ZNF735: variants seen among roughly 807,000 people sequenced by gnomAD.
The protein encoded by ZNF735 is putative zinc finger protein 735.
ZNF735 carries 11 observed loss-of-function variants against 13.4 expected under a neutral mutation model. That is an observed-to-expected ratio of 0.82 (90% CI 0.52 to 1.36). The LOEUF (loss-of-function observed/expected upper bound fraction) is 1.36. ZNF735 is among the 40% of genes most tolerant of loss of function. The pLI, the probability that ZNF735 is intolerant of heterozygous loss-of-function variation, is 0.00. For synonymous variants in ZNF735, 171 were observed against 162.6 expected, an observed-to-expected ratio of 1.05 and a Z score of -0.39; for missense variants, 500 against 484.6, an observed-to-expected ratio of 1.03 and a Z score of -0.30.
intron 3 of ZNF735, among the ~76,000 whole-genome samples, chr7:64,216,288 T>C (rs1472421033): frequency 7.0e-6 from 1 of 141,908 alleles, no homozygotes; most frequent in Non-Finnish European, 1.6e-5. Context: ...AGAGTGAGAC[T>C]CCATCTCAAA....
intron 1 of ZNF735, among the ~76,000 whole-genome samples, chr7:64,211,213 A>G (rs1278912866): frequency 1.3e-5 from 2 of 152,198 alleles, no homozygotes; most frequent in African/African-American, 2.4e-5. Flanking sequence ...AATTCTCACT[A>G]CAAATTTATA....
At chr7:64,207,360 C>G (rs762707033) in intron 1 of ZNF735, 119 bp downstream of exon 1, 8 of 1,588,258 alleles carry the variant, frequency 5.0e-6, no homozygotes, top group Admixed American at 1.7e-5. Context: ...GGACCCAAAT[C>G]CTCCTTGGCC....
At chr7:64,208,646 G>A (rs1787322735) in intron 1 of ZNF735, among the ~76,000 whole-genome samples, 1 of 151,958 alleles carries the variant, frequency 6.6e-6, no homozygotes, top group Admixed American at 6.6e-5. Flanking sequence ...AAGTTTTTGT[G>A]TACAGATTAT....
intron 3 of ZNF735, among the ~76,000 whole-genome samples, chr7:64,215,616 T>C (rs1787410256): frequency 6.6e-6 from 1 of 152,152 alleles, no homozygotes; most frequent in Non-Finnish European, 1.5e-5. Context: ...AAGACCAATG[T>C]CATGTCTTTC....
At chr7:64,216,579 A>T (rs1376946292) in intron 3 of ZNF735, among the ~76,000 whole-genome samples, 1 of 151,740 alleles carries the variant, frequency 6.6e-6, no homozygotes, top group Admixed American at 6.6e-5. Context: ...ATTAGAAAAC[A>T]TACACTGCAT....
intron 3 of ZNF735, among the ~76,000 whole-genome samples, chr7:64,217,206 C>A (rs1316204630): frequency 6.6e-6 from 1 of 152,166 alleles, no homozygotes; most frequent in Non-Finnish European, 1.5e-5. Context: ...CTTAAAGGAA[C>A]CTGGCTCCTC....
chr7:64,210,106 T>C (rs1369971537), intron 1 of ZNF735, among the ~76,000 whole-genome samples: 1 of 152,088 alleles, frequency 6.6e-6, no homozygotes, highest in African/African-American at 2.4e-5. Context: ...GCTCCCAGGG[T>C]GCTATGAAAA....
At chr7:64,220,028 C>T (rs777788379) in exon 4 of ZNF735, 1 of 1,610,046 alleles carries the variant, frequency 6.2e-7, no homozygotes, top group Admixed American at 1.7e-5. Context: ...AAACCCTACA[C>T]ATGTGAAGAA....
intron 3 of ZNF735, among the ~76,000 whole-genome samples, chr7:64,218,410 T>A (rs1207588119): frequency 6.6e-6 from 1 of 152,126 alleles, no homozygotes; most frequent in African/African-American, 2.4e-5. Context: ...TTTGTGTATA[T>A]CCTAGTTTGT....
intron 1 of ZNF735, among the ~76,000 whole-genome samples, chr7:64,209,050 G>C (rs923356136): frequency 1.3e-5 from 2 of 152,134 alleles, no homozygotes; most frequent in Admixed American, 1.3e-4. Flanking sequence ...GTGTCTTCAT[G>C]GTAGAATAAC....
At chr7:64,211,890 A>AT (rs1554365902) in intron 1 of ZNF735, among the ~76,000 whole-genome samples, 1 of 96,514 alleles carries the variant, frequency 1.0e-5, no homozygotes, top group Non-Finnish European at 2.2e-5. Context: ...AAAGAAAAAA[A>AT]ATATATATAT....
chr7:64,219,379 G>T (rs776384482), exon 4 of ZNF735: 1 of 1,613,712 alleles, frequency 6.2e-7, no homozygotes, highest in Non-Finnish European at 8.5e-7. Context: ...ACTCCAAAAA[G>T]TAATACCAAG....
intron 3 of ZNF735, among the ~76,000 whole-genome samples, chr7:64,216,869 G>T (rs578154458): frequency 3.3e-5 from 5 of 152,234 alleles, no homozygotes; most frequent in Middle Eastern, 3.4e-3. Context: ...GCCTCCCAAA[G>T]TACTGGGGTT....
intron 1 of ZNF735, among the ~76,000 whole-genome samples, chr7:64,211,196 A>C (rs1018800423): frequency 6.6e-6 from 1 of 152,206 alleles, no homozygotes; most frequent in African/African-American, 2.4e-5. Flanking sequence ...TCTTATATGC[A>C]ATGCAGAATT....
intron 3 of ZNF735, among the ~76,000 whole-genome samples, chr7:64,216,886 G>A (rs1787428186): frequency 6.6e-6 from 1 of 152,164 alleles, no homozygotes; most frequent in South Asian, 2.1e-4. Flanking sequence ...GGTTACACCT[G>A]TGAGCCACTG....
chr7:64,210,546 G>A (rs1787344581), intron 1 of ZNF735, among the ~76,000 whole-genome samples: 1 of 152,160 alleles, frequency 6.6e-6, no homozygotes, highest in South Asian at 2.1e-4. Flanking sequence ...ATAAACTTGA[G>A]GGGTTCAAGA....
chr7:64,214,193 G>T, intron 3 of ZNF735, 85 bp downstream of exon 3: 1 of 1,375,566 alleles, frequency 7.3e-7, no homozygotes, highest in South Asian at 1.3e-5. Context: ...GTGGTCTGCA[G>T]AGCTGTGCTT....
At chr7:64,207,210 A>G in exon 1 of ZNF735, 1 of 1,614,188 alleles carries the variant, frequency 6.2e-7, no homozygotes, top group Non-Finnish European at 8.5e-7. Context: ...TTTATGGCTA[A>G]AAGACCGGGA....
rs552238775 is a variant in ZNF735 at position 64,216,757 on chromosome 7, C to T, written c.263-2557C>T. Among the ~76,000 whole-genome samples, 141 of 152,146 alleles carry T rather than the reference C, an allele frequency of 9.3e-4. 2 individuals carry two copies. The highest frequency in any genetic ancestry group is 3.3e-3 in the African/African-American group (135 of 41,492). ...AGTGGCTTGCACTACAGACCTACCC[C>T]GACCATACCCAGCTAATTCTCAATT... is the stretch of plus-strand genomic sequence containing the variant. On this transcript the variant is annotated intron_variant, in intron 3 of 3. Transcript: ENST00000429565.
Sources: gnomAD v4.1 joint callset for allele counts (sites outside exome capture counted in the v4.1 genomes callset) on GRCh38, gnomAD v4.1.1 for gene constraint, MANE v1.5 for transcripts, NCBI Gene and HGNC (gene_info 2026-07-23, HGNC 2026-07-21) for gene names.